PEA15: variants seen among roughly 807,000 people sequenced by gnomAD.
The protein encoded by PEA15 is proliferation and apoptosis adaptor protein 15.
For synonymous variants in PEA15, 60 were observed against 61.8 expected, an observed-to-expected ratio of 0.97 and a Z score of 0.13; for missense variants, 77 against 161.3, an observed-to-expected ratio of 0.48 and a Z score of 2.83.
intron 2 of PEA15, among the ~76,000 whole-genome samples, chr1:160,212,143 C>T (rs191076822): frequency 3.7e-4 from 57 of 152,158 alleles, no homozygotes; most frequent in South Asian, 8.3e-4. Flanking sequence ...TTTTCTTATC[C>T]ACTTTGAGAG....
At chr1:160,212,183 T>C (rs1332980425) in intron 2 of PEA15, among the ~76,000 whole-genome samples, 1 of 151,902 alleles carries the variant, frequency 6.6e-6, no homozygotes, top group Admixed American at 6.6e-5. Flanking sequence ...GATCTATGGA[T>C]TAGAGTAATC....
At position 160,214,676 on chromosome 1, in the gene PEA15, T is replaced by C. The variant is rs1469272016; in HGVS notation, c.*1190T>C. ...TTTTGTGGTGTCTAGCATTAACTTA[T>C]TGTCTAGGCCAGAGCGGGGGTGGGA... On this transcript the variant is annotated 3_prime_UTR_variant, in exon 4 of 4. Transcript: ENST00000360472. 2 of 152,680 alleles carry C rather than the reference T, an allele frequency of 1.3e-5. No individual in the cohort carries two copies. The highest frequency in any genetic ancestry group is 4.8e-5 in the African/African-American group (2 of 41,466). 9.5% of individuals were successfully genotyped at this position (152,680 alleles called of 1,614,324 possible). A position where few individuals can be genotyped will look rare whatever the true frequency, so the allele number is the denominator to read the frequency against.
rs1459511225 is a variant in PEA15, at chr1:160,214,228, G to A, written c.*742G>A. The A allele has an allele frequency of 6.5e-6, 1 of 152,750 alleles. No homozygotes were observed. Among genetic ancestry groups the A allele is most frequent in the Non-Finnish European group, 1.5e-5 (1 of 68,174 alleles). The allele number at this position is 152,750 out of a possible 1,614,324, so 9.5% of individuals were successfully genotyped here. ...GGGGAGCCCCCTCTTCCACTCAGTT[G>A]TTCCTACTCAGACTGTTGCACTCTA... is the stretch of plus-strand genomic sequence containing the variant. On this transcript the variant is annotated 3_prime_UTR_variant, in exon 4 of 4. Transcript: ENST00000360472.
intron 1 of PEA15, among the ~76,000 whole-genome samples, chr1:160,210,299 C>A (rs958616178): frequency 2.0e-5 from 3 of 152,210 alleles, no homozygotes; most frequent in Non-Finnish European, 2.9e-5. Context: ...GCTTGCCCAC[C>A]CCTTGGTCTA....
chr1:160,208,337 G>A lies in PEA15; in HGVS notation c.-3+2815G>A. On this transcript the variant is annotated intron_variant, in intron 1 of 3. Transcript: ENST00000360472. This position sits in a 1 kb window ranked among gnomAD's most constrained non-coding sequence, Gnocchi z 4.1. ...CCTGGGGCCAGCTTGGAAGGAGAGG[G>A]AGGCAGGAAGGAAGGAAGGTGTGAG... 1 of 481,316 alleles carries A rather than the reference G, an allele frequency of 2.1e-6. No individual in the cohort carries two copies. The highest frequency in any genetic ancestry group is 3.8e-6 in the Non-Finnish European group (1 of 264,022). The allele number at this position is 481,316 out of a possible 1,614,324, so 29.8% of individuals were successfully genotyped here.
chr1:160,208,474 GC>G lies in PEA15; in HGVS notation c.-3+2955del. 6.1e-6 allele frequency: 5 copies of G among 814,776 alleles called. No homozygotes were observed. The highest frequency in any genetic ancestry group is 9.9e-6 in the Non-Finnish European group (5 of 503,206). 50.5% of individuals were successfully genotyped at this position (814,776 alleles called of 1,614,324 possible). A position where few individuals can be genotyped will look rare whatever the true frequency, so the allele number is the denominator to read the frequency against. ...GTATCCTGTCCCAAGAATGGCCTCCGCCCAGACTGCCTGGTGATCCCTGAGC... is the reference window on the plus strand; with the variant it reads ...GTATCCTGTCCCAAGAATGGCCTCCGCCAGACTGCCTGGTGATCCCTGAGC... On this transcript the variant is annotated intron_variant, in intron 1 of 3. Coordinates refer to ENST00000360472, the MANE Select transcript of PEA15 (RefSeq NM_003768.5). This position sits in a 1 kb window ranked among gnomAD's most constrained non-coding sequence, Gnocchi z 4.1.
At position 160,213,469 on chromosome 1, in the gene PEA15, C is replaced by T; in HGVS notation, c.376C>T (p.Pro126Ser). 6.2e-7 allele frequency: 1 copy of T among 1,614,062 alleles called. No individual in the cohort carries two copies. Among genetic ancestry groups the T allele is most frequent in the Non-Finnish European group, 8.5e-7 (1 of 1,179,978 alleles). The change falls in exon 4 of 4, where the codon CCA (proline) becomes TCA (serine). Residue 126 changes from proline (P) to serine (S), a missense_variant. Physicochemically the swap from Pro to Ser is moderately conservative, Grantham distance 74. Transcript: ENST00000360472. This position sits in a 1 kb window ranked among gnomAD's most constrained non-coding sequence, Gnocchi z 5.3. ...SEEEIIKLAP[P>S]PKKA is the part of the protein sequence containing the mutation. ...GGAAGAGATCATCAAATTGGCTCCCCCACCGAAGAAGGCCTGAGCAAGGGG... is the reference window on the plus strand; with the variant it reads ...GGAAGAGATCATCAAATTGGCTCCCTCACCGAAGAAGGCCTGAGCAAGGGG...
chr1:160,215,211 CAG>C lies in PEA15; in HGVS notation c.*1728_*1729del, dbSNP rs1311925865. On this transcript the variant is annotated 3_prime_UTR_variant, in exon 4 of 4. Transcript: ENST00000360472. ...AGAAGAGAGACAGGGTTCTTTTCAG[CAG>C]AGTCTAGTAGTTTCTCTGTAAGGCA... is the stretch of plus-strand genomic sequence containing the variant. 2.0e-5 allele frequency: 3 copies of C among 152,244 alleles called. No individual in the cohort carries two copies. Among genetic ancestry groups the C allele is most frequent in the African/African-American group, 7.2e-5 (3 of 41,424 alleles). 9.4% of individuals were successfully genotyped at this position (152,244 alleles called of 1,614,324 possible).
At chr1:160,212,489 G>T (rs74125504) in intron 2 of PEA15, among the ~76,000 whole-genome samples, 2 of 152,028 alleles carry the variant, frequency 1.3e-5, no homozygotes, top group African/African-American at 4.8e-5. Context: ...TGTGTGGCTG[G>T]CAGGGAGAAC....
intron 1 of PEA15, among the ~76,000 whole-genome samples, chr1:160,210,943 T>C (rs963513503): frequency 7.9e-5 from 12 of 152,050 alleles, no homozygotes; most frequent in Admixed American, 7.9e-4. Flanking sequence ...CAAGGAACCA[T>C]CAGACCAAGC....
intron 1 of PEA15, among the ~76,000 whole-genome samples, chr1:160,209,510 G>GACACACAC (rs111598251): frequency 6.8e-6 from 1 of 146,614 alleles, no homozygotes; most frequent in African/African-American, 2.5e-5. Flanking sequence ...AACTCCTCCC[G>GACACACAC]ACACACACAC....
rs1349524414 is a variant in PEA15, at chr1:160,208,806, G to A, written c.-2-2737G>A. Reference sequence around the variant, plus strand: ...GGCTGCCTTTCCTTGTACCGTCAGGGGGCCTTATTCCTATCCTTTCTGTCC... The same window carrying A: ...GGCTGCCTTTCCTTGTACCGTCAGGAGGCCTTATTCCTATCCTTTCTGTCC... On this transcript the variant is annotated intron_variant, in intron 1 of 3. Coordinates refer to ENST00000360472, the MANE Select transcript of PEA15 (RefSeq NM_003768.5). The surrounding 1 kb of genome is among the most constrained non-coding windows in gnomAD (Gnocchi z 4.1). 2 of 688,068 alleles carry A rather than the reference G, an allele frequency of 2.9e-6. No homozygotes were observed. The highest frequency in any genetic ancestry group is 5.1e-6 in the Non-Finnish European group (2 of 392,568). 42.6% of individuals were successfully genotyped at this position (688,068 alleles called of 1,614,324 possible).
chr1:160,212,061 G>A (rs573817008), intron 2 of PEA15, among the ~76,000 whole-genome samples: 1 of 152,316 alleles, frequency 6.6e-6, no homozygotes, highest in Non-Finnish European at 1.5e-5. Flanking sequence ...AATCTAACTG[G>A]TAAATAGTAA....
In PEA15 at chr1:160,208,626, C is replaced by T. The variant is rs978787551; in HGVS notation, c.-2-2917C>T. 3.9e-6 allele frequency: 6 copies of T among 1,550,418 alleles called. No homozygotes were observed. In the African/African-American group the frequency reaches 4.1e-5, roughly 11 times the overall value. ...TGACATGGAGGATGAAGGAAACAAG[C>T]TCTGCCAAGCCCCACCATGGCCAGG... is the stretch of plus-strand genomic sequence containing the variant. On this transcript the variant is annotated intron_variant, in intron 1 of 3. Transcript: ENST00000360472. The surrounding 1 kb of genome is among the most constrained non-coding windows in gnomAD (Gnocchi z 4.1).
At position 160,214,938 on chromosome 1, in the gene PEA15, C is replaced by T. The variant is rs1255392434; in HGVS notation, c.*1452C>T. ...CAGTACTCTTAACTCCTAGCCCAGCCTAGCGTGCCCTGCCCCTCTGGCCAC... is the reference window on the plus strand; with the variant it reads ...CAGTACTCTTAACTCCTAGCCCAGCTTAGCGTGCCCTGCCCCTCTGGCCAC... On this transcript the variant is annotated 3_prime_UTR_variant, in exon 4 of 4. Coordinates refer to ENST00000360472, the MANE Select transcript of PEA15 (RefSeq NM_003768.5). 6.5e-6 allele frequency: 1 copy of T among 152,802 alleles called. No homozygotes were observed. The highest frequency in any genetic ancestry group is 2.4e-5 in the African/African-American group (1 of 41,440). 9.5% of individuals were successfully genotyped at this position (152,802 alleles called of 1,614,324 possible).
At chr1:160,210,994 G>A (rs2101697574) in intron 1 of PEA15, among the ~76,000 whole-genome samples, 1 of 152,350 alleles carries the variant, frequency 6.6e-6, no homozygotes, top group Admixed American at 6.5e-5. Context: ...GTGGGGTGGT[G>A]GGGAGTTGAA....
rs1655000026 is a variant in PEA15, at chr1:160,214,180, A to AG, written c.*695dup. On this transcript the variant is annotated 3_prime_UTR_variant, in exon 4 of 4. Coordinates refer to ENST00000360472, the MANE Select transcript of PEA15 (RefSeq NM_003768.5). ...CTGGGAACATGTACCACTGAGCCTG[A>AG]GATGGGGATGAGGGCAGAGAGAGGG... 6.5e-6 allele frequency: 1 copy of AG among 153,016 alleles called. No homozygotes were observed. The highest frequency in any genetic ancestry group is 6.5e-5 in the Admixed American group (1 of 15,314). 9.5% of individuals were successfully genotyped at this position (153,016 alleles called of 1,614,324 possible).
At chr1:160,211,308 G>A in intron 1 of PEA15, 3 of 1,206,340 alleles carry the variant, frequency 2.5e-6, no homozygotes, top group Non-Finnish European at 3.1e-6. Flanking sequence ...ATGGTGGGGG[G>A]AAGGAGGTAT....
intron 1 of PEA15, chr1:160,211,196 A>T: frequency 3.0e-6 from 2 of 658,664 alleles, no homozygotes; most frequent in Non-Finnish European, 3.8e-6. Flanking sequence ...ACTTGGAGAG[A>T]GCGGGTGAGA....
Sources: allele counts gnomAD v4.1 joint callset (sites outside exome capture counted in the v4.1 genomes callset), GRCh38; gene constraint gnomAD v4.1.1; non-coding constraint Gnocchi (gnomAD v3.1); transcripts MANE v1.5; gene names NCBI Gene and HGNC (gene_info 2026-07-23, HGNC 2026-07-21).